Variants in CCDC106 observed in about 807,000 individuals in gnomAD.
CCDC106 encodes the protein coiled-coil domain-containing protein 106.
In CCDC106, 17 loss-of-function variants were observed where a neutral mutation model predicts 24.7. The ratio of observed to expected loss-of-function variants is 0.69; its 90% CI spans 0.47 to 1.03. The LOEUF (loss-of-function observed/expected upper bound fraction) is 1.03. Ranked by LOEUF, CCDC106 falls within the 50% of genes least tolerant of loss-of-function variation. CCDC106 has a pLI of 0.00. For missense variants in CCDC106, 337 were observed against 388.9 expected, an observed-to-expected ratio of 0.87 and a Z score of 1.12; for synonymous variants, 211 against 161.3, an observed-to-expected ratio of 1.31 and a Z score of -2.34.
chr19:55,651,740 G>C (rs1351045154), intron 4 of CCDC106, among the ~76,000 whole-genome samples: 1 of 151,874 alleles, frequency 6.6e-6, no homozygotes, highest in Admixed American at 6.6e-5. Context: ...CACCTCACTG[G>C]AATCTCCGCC....
At position 55,649,301 on chromosome 19, in the gene CCDC106, A is replaced by C; in HGVS notation, c.128A>C (p.Asn43Thr). ...IFYSLSPSRR[N>T]FEEPPEAASS... is the part of the protein sequence containing the mutation. Reference sequence around the variant, plus strand: ...TACAGTCTGAGCCCCTCTCGGAGAAACTTCGAGGGTGAGCTGAGGGGGTGT... The same window carrying C: ...TACAGTCTGAGCCCCTCTCGGAGAACCTTCGAGGGTGAGCTGAGGGGGTGT... The change falls in exon 2 of 5, where the codon AAC becomes ACC. Residue 43 changes from asparagine to threonine, a missense_variant. This residue lies in a region of CCDC106 where 234 missense variants were observed against 236.5 expected (regional missense o/e 0.99). Transcript: ENST00000586790. 4 of 1,613,584 alleles carry C rather than the reference A, an allele frequency of 2.5e-6. No homozygotes were observed. The highest frequency in any genetic ancestry group is 3.4e-6 in the Non-Finnish European group (4 of 1,179,670).
At chr19:55,649,676 G>C in intron 3 of CCDC106, 92 bp downstream of exon 3, 1 of 1,273,572 alleles carries the variant, frequency 7.9e-7, no homozygotes, top group Non-Finnish European at 1.1e-6. Context: ...TTGGCTGGCT[G>C]GGTGGGACCT....
In CCDC106 at chr19:55,648,986, T is replaced by C; in HGVS notation, c.-61T>C. 1 of 1,548,928 alleles carries C rather than the reference T, an allele frequency of 6.5e-7. No homozygotes were observed. The highest frequency in any genetic ancestry group is 1.1e-5 in the South Asian group (1 of 89,654). On this transcript the variant is annotated 5_prime_UTR_variant, in exon 1 of 5. Transcript: ENST00000586790. ...CCATCTGCGTCTCTCCATTTGTGGC[T>C]GCCGTTTCTGTCCAGTGCCCCTGAG...
In CCDC106 at chr19:55,652,220, C is replaced by T. The variant is rs566188946; in HGVS notation, c.527-210C>T. ...CTCACTCTCCTTCCTGGGCCTGCCT[C>T]TTCCCATTTCCCACTGGTCCAAGAT... is the stretch of plus-strand genomic sequence containing the variant. On this transcript the variant is annotated intron_variant, in intron 4 of 4. Coordinates refer to ENST00000586790, the MANE Select transcript of CCDC106 (RefSeq NM_001370470.1). This position sits in a 1 kb window ranked among gnomAD's most constrained non-coding sequence, Gnocchi z 5.9. Among the ~76,000 whole-genome samples the T allele has an allele frequency of 6.6e-6, 1 of 152,236 alleles. No individual in the cohort carries two copies. Among genetic ancestry groups the T allele is most frequent in the Non-Finnish European group, 1.5e-5 (1 of 68,002 alleles).
chr19:55,648,967 G>T lies in CCDC106; in HGVS notation c.-80G>T. ...CCAGGATGGACCCTCCAGTCCATCT[G>T]CGTCTCTCCATTTGTGGCTGCCGTT... On this transcript the variant is annotated 5_prime_UTR_variant, in exon 1 of 5. Transcript: ENST00000586790. The T allele has an allele frequency of 1.4e-6, 2 of 1,398,546 alleles. No individual in the cohort carries two copies. The highest frequency in any genetic ancestry group is 2.0e-6 in the Non-Finnish European group (2 of 986,464). The allele number at this position is 1,398,546 out of a possible 1,614,324, so 86.6% of individuals were successfully genotyped here.
chr19:55,649,406 A>G lies in CCDC106; in HGVS notation c.137-2A>G, dbSNP rs770135153. 1.9e-6 allele frequency: 3 copies of G among 1,613,952 alleles called. No homozygotes were observed. Among genetic ancestry groups the G allele is most frequent in the South Asian group, 2.2e-5 (2 of 91,082 alleles). ...GTCCCCCCACCCTCGCTGTGTCCCTAGAGCCTCCGGAGGCTGCGTCCTCCG... is the reference window on the plus strand; with the variant it reads ...GTCCCCCCACCCTCGCTGTGTCCCTGGAGCCTCCGGAGGCTGCGTCCTCCG... On this transcript the variant is annotated splice_acceptor_variant, in intron 2 of 4. Coordinates refer to ENST00000586790, the MANE Select transcript of CCDC106 (RefSeq NM_001370470.1). LOFTEE classifies it high-confidence loss of function.
At chr19:55,649,969 T>G (rs1478826592) in intron 3 of CCDC106, among the ~76,000 whole-genome samples, 1 of 152,114 alleles carries the variant, frequency 6.6e-6, no homozygotes, top group Non-Finnish European at 1.5e-5. Context: ...CCTAGTTCTT[T>G]GGGTTTCCTC....
rs1983035100 is a variant in CCDC106, at chr19:55,648,792, C to G, written c.-255C>G. On this transcript the variant is annotated 5_prime_UTR_variant, in exon 1 of 5. Coordinates refer to ENST00000586790, the MANE Select transcript of CCDC106 (RefSeq NM_001370470.1). ...TCCCCAGCTCACTTCTCCCCCAGGA[C>G]CTAGGCGGCTGGGCCCCCTGCCCCT... 5.2e-6 allele frequency: 3 copies of G among 579,054 alleles called. No homozygotes were observed. The highest frequency in any genetic ancestry group is 3.7e-5 in the African/African-American group (2 of 53,460). 35.9% of individuals were successfully genotyped at this position (579,054 alleles called of 1,614,324 possible).
Position 55,651,455 on chromosome 19 carries a change from G to A in CCDC106, c.486G>A (p.Arg162=). 6.3e-7 allele frequency: 1 copy of A among 1,598,356 alleles called. No individual in the cohort carries two copies. ...AGAAGCAGAAGGGAGGTGCTAGTCG[G>A]AGGCGCTTTGGGAAGCCCAAGGCCC... ...RRQKQKGGAS[R]RRFGKPKARE... The change falls in exon 4 of 5, where the codon CGG becomes CGA. Residue 162 remains arginine (R), a synonymous_variant. Transcript: ENST00000586790.
In CCDC106 at chr19:55,651,275, C is replaced by G. The variant is rs1983242365; in HGVS notation, c.314-8C>G. ...CCTTGGTTCATGTGTGTGTCTCCATCTCCCCAGAGGACCACTGCCGGATGA... is the reference window on the plus strand; with the variant it reads ...CCTTGGTTCATGTGTGTGTCTCCATGTCCCCAGAGGACCACTGCCGGATGA... On this transcript the variant is annotated splice_region_variant and splice_polypyrimidine_tract_variant and intron_variant, in intron 3 of 4. Coordinates refer to ENST00000586790, the MANE Select transcript of CCDC106 (RefSeq NM_001370470.1). The G allele has an allele frequency of 6.2e-7, 1 of 1,604,552 alleles. No individual in the cohort carries two copies. Among genetic ancestry groups the G allele is most frequent in the Admixed American group, 1.7e-5 (1 of 60,000 alleles).
Position 55,652,911 on chromosome 19 carries a change from C to T in CCDC106, c.*165C>T. Reference sequence around the variant, plus strand: ...GCGACGGCCCCGGACCGGCCGCGGCCCCTTCCCGAACGCCGGCACCCCCTT... The same window carrying T: ...GCGACGGCCCCGGACCGGCCGCGGCTCCTTCCCGAACGCCGGCACCCCCTT... On this transcript the variant is annotated 3_prime_UTR_variant, in exon 5 of 5. Coordinates refer to ENST00000586790, the MANE Select transcript of CCDC106 (RefSeq NM_001370470.1). This position sits in a 1 kb window ranked among gnomAD's most constrained non-coding sequence, Gnocchi z 5.9. 1.6e-6 allele frequency: 1 copy of T among 627,990 alleles called. No individual in the cohort carries two copies. The allele number at this position is 627,990 out of a possible 1,614,324, so 38.9% of individuals were successfully genotyped here.
rs918963517 is a variant in CCDC106, at chr19:55,648,360, C to T, written c.-687C>T. On this transcript the variant is annotated 5_prime_UTR_variant, in exon 1 of 5. Transcript: ENST00000586790. ...TGGTGGCCGCGTTTGCACCCCCGCC[C>T]TAGTGCATGTTCCCGCTGGAATCGT... 6.6e-6 allele frequency: 1 copy of T among 152,114 alleles called. No homozygotes were observed. Among genetic ancestry groups the T allele is most frequent in the African/African-American group, 2.4e-5 (1 of 41,442 alleles). The allele number at this position is 152,114 out of a possible 1,614,324, so 9.4% of individuals were successfully genotyped here.
Position 55,649,562 on chromosome 19 carries a change from C to T in CCDC106, c.291C>T (p.Ile97=). 1.9e-6 allele frequency: 3 copies of T among 1,614,022 alleles called. No individual in the cohort carries two copies. The highest frequency in any genetic ancestry group is 1.1e-5 in the South Asian group (1 of 91,078). ...TGCGGTGCCAGCTGGACAAATTCAT[C>T]TCTTCTGCTCGGATGGAGGCAGGTG... is the stretch of plus-strand genomic sequence containing the variant. ...DFLRCQLDKF[I]SSARMEAEDH... is the part of the protein sequence containing the mutation. Residue 97 remains isoleucine, a synonymous_variant, in exon 3 of 5, where the codon ATC becomes ATT. Coordinates refer to ENST00000586790, the MANE Select transcript of CCDC106 (RefSeq NM_001370470.1).
In CCDC106 at chr19:55,648,578, ACCT is replaced by A. The variant is rs1983018757; in HGVS notation, c.-462_-460del. ...AGAGGAGGCAGCGCGCACGGGCTGG[ACCT>A]CCTCCTACCCTGGGAAGTTGGGGCA... On this transcript the variant is annotated 5_prime_UTR_variant, in exon 1 of 5. Coordinates refer to ENST00000586790, the MANE Select transcript of CCDC106 (RefSeq NM_001370470.1). 5.7e-6 allele frequency: 1 copy of A among 176,312 alleles called. No homozygotes were observed. The highest frequency in any genetic ancestry group is 1.2e-5 in the Non-Finnish European group (1 of 82,110). 10.9% of individuals were successfully genotyped at this position (176,312 alleles called of 1,614,324 possible).
chr19:55,652,584 C>A lies in CCDC106; in HGVS notation c.681C>A (p.Pro227=). ...TCGCCGAGCTGCTCATTGTGGCCCC[C>A]GAGAAGCTGGCCGAGGTGGGCGAGT... ...TPIAELLIVA[P]EKLAEVGEFD... The change falls in exon 5 of 5, where the codon CCC becomes CCA. Residue 227 remains proline (P), a synonymous_variant. Transcript: ENST00000586790. The surrounding 1 kb of genome is among the most constrained non-coding windows in gnomAD (Gnocchi z 5.9). 1 of 1,613,424 alleles carries A rather than the reference C, an allele frequency of 6.2e-7. No individual in the cohort carries two copies. Among genetic ancestry groups the A allele is most frequent in the Non-Finnish European group, 8.5e-7 (1 of 1,179,922 alleles).
intron 4 of CCDC106, among the ~76,000 whole-genome samples, chr19:55,651,861 A>G (rs1001193099): frequency 1.1e-4 from 16 of 151,870 alleles, no homozygotes; most frequent in African/African-American, 3.6e-4. Context: ...CCAGGGTTTC[A>G]CCGTGTTTGC....
chr19:55,652,815 T>A lies in CCDC106; in HGVS notation c.*69T>A. 1 of 1,342,416 alleles carries A rather than the reference T, an allele frequency of 7.4e-7. No homozygotes were observed. The highest frequency in any genetic ancestry group is 1.3e-5 in the South Asian group (1 of 75,514). 83.2% of individuals were successfully genotyped at this position (1,342,416 alleles called of 1,614,324 possible). ...TGGACCCCGGTGGATGACCTGCCCC[T>A]CTCCCCGCCGCGCCCCTGCCCCTCC... On this transcript the variant is annotated 3_prime_UTR_variant, in exon 5 of 5. Transcript: ENST00000586790. The surrounding 1 kb of genome is among the most constrained non-coding windows in gnomAD (Gnocchi z 5.9).
At chr19:55,648,171 G>T (rs958709301), upstream of CCDC106, 1 of 152,180 alleles carries the variant, frequency 6.6e-6, no homozygotes, top group Non-Finnish European at 1.5e-5. Flanking sequence ...GCCTGTTCGC[G>T]GGTGGGTGGG....
rs1458067775 is a variant in CCDC106 at position 55,652,775 on chromosome 19, G to A, written c.*29G>A. On this transcript the variant is annotated 3_prime_UTR_variant, in exon 5 of 5. Transcript: ENST00000586790. This position sits in a 1 kb window ranked among gnomAD's most constrained non-coding sequence, Gnocchi z 5.9. Reference sequence around the variant, plus strand: ...CACCACGCCTCCGCGCCTCCACCCGGGCCTTCCTCCCCCGTGGACCCCGGT... The same window carrying A: ...CACCACGCCTCCGCGCCTCCACCCGAGCCTTCCTCCCCCGTGGACCCCGGT... The A allele has an allele frequency of 6.3e-7, 1 of 1,575,784 alleles. No individual in the cohort carries two copies. The highest frequency in any genetic ancestry group is 8.6e-7 in the Non-Finnish European group (1 of 1,158,420).
Sources: gnomAD v4.1 joint callset for allele counts (sites outside exome capture counted in the v4.1 genomes callset) on GRCh38, gnomAD v4.1.1 for gene constraint, gnomAD v4.1.1 regional missense constraint, Gnocchi (gnomAD v3.1) non-coding constraint, MANE v1.5 for transcripts, NCBI Gene and HGNC (gene_info 2026-07-23, HGNC 2026-07-21) for gene names.